COLEC10: variants seen among roughly 807,000 people sequenced by gnomAD.
COLEC10 encodes collectin-10.
COLEC10 carries 22 observed loss-of-function variants against 28.4 expected under a neutral mutation model. The observed-to-expected ratio is 0.78, with a 90% CI of 0.55 to 1.11. The LOEUF is 1.11. Among genes scored for constraint, COLEC10 ranks in the 50% least tolerant of loss-of-function variants. COLEC10 has a pLI of 0.00. For missense variants in COLEC10, 361 were observed against 344.1 expected (o/e 1.05, Z -0.39); for synonymous variants, 125 against 116.1 (o/e 1.08, Z -0.49).
the COLEC10 span, among the ~76,000 whole-genome samples, chr8:118,981,996 CTT>C: frequency 6.8e-6 from 1 of 147,514 alleles, no homozygotes; most frequent in Admixed American, 6.8e-5. Flanking sequence ...ATCACCCCTA[CTT>C]TTTTTTTTTG....
At chr8:119,078,270 G>T (rs1815295242) in intron 1 of COLEC10, among the ~76,000 whole-genome samples, 1 of 152,168 alleles carries the variant, frequency 6.6e-6, no homozygotes, top group African/African-American at 2.4e-5. Context: ...TAGTTATTTT[G>T]CAGAAGTTGT....
upstream of COLEC10, among the ~76,000 whole-genome samples, chr8:118,992,177 ACAG>A (rs1007751628): frequency 2.0e-5 from 3 of 152,184 alleles, no homozygotes; most frequent in Non-Finnish European, 4.4e-5. Flanking sequence ...TATCGGAATC[ACAG>A]CAGTCTATAA....
chr8:119,041,124 T>C (rs1814486893), intron 2 of COLEC10, among the ~76,000 whole-genome samples: 1 of 152,166 alleles, frequency 6.6e-6, no homozygotes, highest in Non-Finnish European at 1.5e-5. Flanking sequence ...TGTCTAAGGG[T>C]CTACTTCTGG....
intron 1 of COLEC10, among the ~76,000 whole-genome samples, chr8:119,072,450 T>C (rs991041923): frequency 1.3e-5 from 2 of 152,146 alleles, no homozygotes; most frequent in African/African-American, 4.8e-5. Context: ...CAATGGACTT[T>C]TGAGAAAAAA....
At chr8:118,966,216 T>C in the COLEC10 span, among the ~76,000 whole-genome samples, 2 of 152,146 alleles carry the variant, frequency 1.3e-5, no homozygotes, top group African/African-American at 4.8e-5. Context: ...TTACTGTTTG[T>C]TGATTATACA....
the COLEC10 span, chr8:118,976,628 C>T: frequency 1.3e-5 from 2 of 152,250 alleles, no homozygotes; most frequent in Non-Finnish European, 2.9e-5. Flanking sequence ...TTACGTTAGA[C>T]CTAAAACCAT....
chr8:119,054,418 T>A (rs1209033879), intron 2 of COLEC10, among the ~76,000 whole-genome samples: 1 of 152,104 alleles, frequency 6.6e-6, no homozygotes, highest in Non-Finnish European at 1.5e-5. Flanking sequence ...AAACAGGTCA[T>A]ATAAAGACGT....
At chr8:119,040,131 A>G (rs1201615727) in intron 2 of COLEC10, among the ~76,000 whole-genome samples, 4 of 152,212 alleles carry the variant, frequency 2.6e-5, no homozygotes, top group Non-Finnish European at 5.9e-5. Context: ...CAATTAGTAC[A>G]GATAATATTA....
intron 1 of COLEC10, among the ~76,000 whole-genome samples, chr8:119,069,647 T>A (rs1280809033): frequency 6.5e-4 from 69 of 105,590 alleles, no homozygotes; most frequent in Middle Eastern, 5.0e-3. Context: ...TATATATATA[T>A]ATATATATAT....
At chr8:118,976,713 C>A in the COLEC10 span, 1 of 152,042 alleles carries the variant, frequency 6.6e-6, no homozygotes, top group Non-Finnish European at 1.5e-5. Context: ...TCTAAAACAC[C>A]AAAAGCAATG....
At chr8:119,074,381 T>C (rs1024927702) in intron 1 of COLEC10, among the ~76,000 whole-genome samples, 1 of 152,002 alleles carries the variant, frequency 6.6e-6, no homozygotes. Flanking sequence ...TACCAAAATA[T>C]CTCATGCACC....
intron 3 of COLEC10, among the ~76,000 whole-genome samples, chr8:119,094,305 G>T (rs1373939910): frequency 6.6e-6 from 1 of 152,030 alleles, no homozygotes; most frequent in Admixed American, 6.6e-5. Context: ...CTTTATAGAG[G>T]TATAGTCTCA....
intron 2 of COLEC10, among the ~76,000 whole-genome samples, chr8:119,032,039 G>A (rs913752060): frequency 9.9e-5 from 15 of 152,214 alleles, no homozygotes; most frequent in Middle Eastern, 3.4e-3. Flanking sequence ...TTTTACAGAC[G>A]GGAAAATTGA....
At chr8:118,981,067 G>A in the COLEC10 span, among the ~76,000 whole-genome samples, 11 of 151,810 alleles carry the variant, frequency 7.2e-5, no homozygotes, top group African/African-American at 2.7e-4. Flanking sequence ...TTTGCCTACA[G>A]GGTCTTGTTA....
At chr8:119,096,871 A>G (rs969757774) in intron 3 of COLEC10, among the ~76,000 whole-genome samples, 7 of 152,126 alleles carry the variant, frequency 4.6e-5, no homozygotes, top group Non-Finnish European at 8.8e-5. Flanking sequence ...AAAATGACTG[A>G]CAATATCTAG....
At chr8:119,078,241 C>A (rs894105265) in intron 1 of COLEC10, among the ~76,000 whole-genome samples, 12 of 152,190 alleles carry the variant, frequency 7.9e-5, no homozygotes, top group African/African-American at 2.9e-4. Flanking sequence ...AGTGGGTTTT[C>A]TTTTCCACAT....
chr8:118,980,193 T>C, the COLEC10 span, among the ~76,000 whole-genome samples: 1 of 149,718 alleles, frequency 6.7e-6, no homozygotes, highest in African/African-American at 2.5e-5. Flanking sequence ...TTTAGTACCA[T>C]AAAACATTCT....
chr8:119,020,080 T>C (rs2130104540), intron 2 of COLEC10, among the ~76,000 whole-genome samples: 1 of 152,284 alleles, frequency 6.6e-6, no homozygotes, highest in East Asian at 1.9e-4. Flanking sequence ...TCATCTATGA[T>C]CACACAGGAC....
the COLEC10 span, among the ~76,000 whole-genome samples, chr8:118,988,492 A>C: frequency 6.6e-6 from 1 of 152,258 alleles, no homozygotes; most frequent in African/African-American, 2.4e-5. Flanking sequence ...AACAGGAGTT[A>C]AGGCTTCAAG....
Sources: gnomAD v4.1 joint callset for allele counts (sites outside exome capture counted in the v4.1 genomes callset) on GRCh38, gnomAD v4.1.1 for gene constraint, MANE v1.5 for transcripts, NCBI Gene and HGNC (gene_info 2026-07-23, HGNC 2026-07-21) for gene names.